Variants in DBT observed in about 807,000 individuals in gnomAD.
DBT encodes lipoamide acyltransferase component of branched-chain alpha-keto acid dehydrogenase complex, mitochondrial.
Under a neutral mutation model 51.3 loss-of-function variants are expected in DBT, and 40 were observed. That is an observed-to-expected ratio of 0.78 (90% CI 0.61 to 1.02). The LOEUF is 1.02. DBT is among the 50% of genes least tolerant of loss of function. The probability of loss-of-function intolerance (pLI) is 0.00; values close to 1 mark genes in which losing one functional copy is unlikely to be tolerated. For synonymous variants in DBT, 181 were observed against 190.4 expected, an observed-to-expected ratio of 0.95 and a Z score of 0.41; for missense variants, 510 against 580.2, an observed-to-expected ratio of 0.88 and a Z score of 1.24.
intron 4 of DBT, among the ~76,000 whole-genome samples, chr1:100,220,143 AAAAAGAAAAAAGG>A (rs1662766176): frequency 1.3e-5 from 2 of 152,234 alleles, no homozygotes; most frequent in African/African-American, 2.4e-5. Context: ...AGGCTGCCTC[AAAAAGAAAAAAGG>A]AAAAGAAAAA....
chr1:100,205,326 T>C (rs1281124441), intron 10 of DBT, among the ~76,000 whole-genome samples: 1 of 152,156 alleles, frequency 6.6e-6, no homozygotes, highest in Non-Finnish European at 1.5e-5. Flanking sequence ...AAAGAAGACA[T>C]TTATATGGCC....
At chr1:100,227,845 G>GT (rs1663309613) in intron 4 of DBT, among the ~76,000 whole-genome samples, 1 of 151,598 alleles carries the variant, frequency 6.6e-6, no homozygotes, top group African/African-American at 2.4e-5. Flanking sequence ...TTTTTTGTTT[G>GT]TTTTTTCTTT....
intron 10 of DBT, among the ~76,000 whole-genome samples, chr1:100,204,957 A>C (rs1661678377): frequency 6.6e-6 from 1 of 152,230 alleles, no homozygotes; most frequent in South Asian, 2.1e-4. Context: ...AAATTAACTC[A>C]AGATGGATTA....
Position 100,206,629 on chromosome 1 carries a change from T to C in DBT, c.1025A>G (p.His342Arg). ...NCQNITYKAS[H>R]NIGIAMDTEQ... ...AGTATCCATTGCTATCCCAATGTTA[T>C]GAGAAGCCTAAAAAATAAAAAATTG... Residue 342 changes from histidine to arginine, a missense_variant, in exon 9 of 11, where the codon CAT (histidine) becomes CGT (arginine). Physicochemically the swap from His to Arg is conservative, Grantham distance 29 (BLOSUM62 0). Transcript: ENST00000370132. 2 of 1,602,054 alleles carry C rather than the reference T, an allele frequency of 1.2e-6. No individual in the cohort carries two copies. The highest frequency in any genetic ancestry group is 1.7e-6 in the Non-Finnish European group (2 of 1,169,100).
At chr1:100,210,325 T>TAATAAG (rs779208638) in intron 8 of DBT, among the ~76,000 whole-genome samples, 3 of 144,074 alleles carry the variant, frequency 2.1e-5, no homozygotes, top group Non-Finnish European at 4.5e-5. Flanking sequence ...ATAATAATAA[T>TAATAAG]AAGAAGAAGA....
chr1:100,204,210 G>T (rs544401897), intron 10 of DBT, among the ~76,000 whole-genome samples: 14 of 152,110 alleles, frequency 9.2e-5, no homozygotes, highest in African/African-American at 3.1e-4. Flanking sequence ...AACCCCATCG[G>T]CTCAGCCCAA....
intron 2 of DBT, among the ~76,000 whole-genome samples, chr1:100,238,295 T>A (rs1664009389): frequency 1.4e-5 from 2 of 146,690 alleles, no homozygotes; most frequent in African/African-American, 5.1e-5. Context: ...CTTCCCTCCC[T>A]CCTGATGGCT....
intron 5 of DBT, 78 bp downstream of exon 5, chr1:100,218,548 G>T: frequency 6.7e-7 from 1 of 1,497,772 alleles, no homozygotes; most frequent in African/African-American, 1.4e-5. Flanking sequence ...TTTCATCATG[G>T]GATAGTTGGC....
intron 3 of DBT, among the ~76,000 whole-genome samples, chr1:100,233,033 T>C (rs1018129912): frequency 6.6e-6 from 1 of 152,046 alleles, no homozygotes; most frequent in African/African-American, 2.4e-5. Context: ...TAAAAAAATG[T>C]TCCAACTATA....
At position 100,214,923 on chromosome 1, in the gene DBT, T is replaced by A; in HGVS notation, c.833A>T (p.Tyr278Phe). The change falls in exon 7 of 11, where the codon TAT becomes TTT. Residue 278 changes from tyrosine to phenylalanine, a missense_variant. Transcript: ENST00000370132. ...TTCAGTAAGGTCAATCTCATCACAA[T>A]AACCAAAATGAGGTATCTTCAGGGC... ...SAALKIPHFG[Y>F]CDEIDLTELV... 1 of 1,613,264 alleles carries A rather than the reference T, an allele frequency of 6.2e-7. No individual in the cohort carries two copies. Among genetic ancestry groups the A allele is most frequent in the South Asian group, 1.1e-5 (1 of 91,062 alleles).
chr1:100,197,245 A>G (rs533312191), intron 10 of DBT, among the ~76,000 whole-genome samples: 2 of 152,320 alleles, frequency 1.3e-5, no homozygotes, highest in South Asian at 4.1e-4. Context: ...AGTCACAGCC[A>G]GATGTGGATC....
intron 4 of DBT, 99 bp downstream of exon 4, chr1:100,230,634 A>AG: frequency 1.3e-6 from 1 of 775,960 alleles, no homozygotes; most frequent in Non-Finnish European, 2.1e-6. Flanking sequence ...GAATAGAAAA[A>AG]AAAAAAACAA....
chr1:100,206,630 G>T lies in DBT; in HGVS notation c.1024C>A (p.His342Asn). Reference sequence around the variant, plus strand: ...GTATCCATTGCTATCCCAATGTTATGAGAAGCCTAAAAAATAAAAAATTGT... The same window carrying T: ...GTATCCATTGCTATCCCAATGTTATTAGAAGCCTAAAAAATAAAAAATTGT... ...NCQNITYKASHNIGIAMDTEQ... is the reference protein window; with the variant it reads ...NCQNITYKASNNIGIAMDTEQ... The change falls in exon 9 of 11, where the codon CAT (histidine) becomes AAT (asparagine). Residue 342 changes from histidine (H) to asparagine (N), a missense_variant. Coordinates refer to ENST00000370132, the MANE Select transcript of DBT (RefSeq NM_001918.5). 1 of 1,601,052 alleles carries T rather than the reference G, an allele frequency of 6.2e-7. No individual in the cohort carries two copies. Among genetic ancestry groups the T allele is most frequent in the South Asian group, 1.1e-5 (1 of 90,836 alleles).
At position 100,219,705 on chromosome 1, in the gene DBT, C is replaced by T. The variant is rs181689560; in HGVS notation, c.434-958G>A. 1.4e-3 allele frequency among the ~76,000 whole-genome samples: 218 copies of T among 151,964 alleles called. 1 individual carries two copies. The highest frequency in any genetic ancestry group is 2.7e-3 in the Non-Finnish European group (182 of 67,994). On this transcript the variant is annotated intron_variant, in intron 4 of 10. Coordinates refer to ENST00000370132, the MANE Select transcript of DBT (RefSeq NM_001918.5). ...TCAAGCCTGCAGTGAGACATGTTGGCGCCACGGCACTCTAGGTTGGGTGAA... is the reference window on the plus strand; with the variant it reads ...TCAAGCCTGCAGTGAGACATGTTGGTGCCACGGCACTCTAGGTTGGGTGAA...
intron 10 of DBT, among the ~76,000 whole-genome samples, chr1:100,197,203 C>G (rs763421343): frequency 6.6e-6 from 1 of 152,196 alleles, no homozygotes; most frequent in Non-Finnish European, 1.5e-5. Flanking sequence ...CTCTCTTTTT[C>G]TATACTGATC....
chr1:100,237,666 T>A (rs558950938), intron 2 of DBT, among the ~76,000 whole-genome samples: 1 of 152,026 alleles, frequency 6.6e-6, no homozygotes, highest in East Asian at 1.9e-4. Context: ...AGAGACAGGG[T>A]CTCACTCTGT....
At chr1:100,222,445 CT>C (rs1273573898) in intron 4 of DBT, among the ~76,000 whole-genome samples, 1 of 152,194 alleles carries the variant, frequency 6.6e-6, no homozygotes, top group Non-Finnish European at 1.5e-5. Flanking sequence ...TCCATCCTCT[CT>C]GAACTAAATT....
intron 4 of DBT, among the ~76,000 whole-genome samples, chr1:100,226,559 A>C (rs983308013): frequency 6.6e-6 from 1 of 152,180 alleles, no homozygotes; most frequent in Non-Finnish European, 1.5e-5. Context: ...TGTTAGGATT[A>C]CTGGCGTGAG....
At chr1:100,241,187 T>C (rs1664187077) in intron 1 of DBT, among the ~76,000 whole-genome samples, 1 of 152,110 alleles carries the variant, frequency 6.6e-6, no homozygotes, top group Non-Finnish European at 1.5e-5. Flanking sequence ...CTAAAAACAA[T>C]GAAAAACTTG....
Sources: allele counts gnomAD v4.1 joint callset (sites outside exome capture counted in the v4.1 genomes callset), GRCh38; gene constraint gnomAD v4.1.1; transcripts MANE v1.5; gene names NCBI Gene and HGNC (gene_info 2026-07-23, HGNC 2026-07-21).